SLC35G2: variants seen among roughly 807,000 people sequenced by gnomAD.
SLC35G2 encodes solute carrier family 35 member G2.
In SLC35G2, 20 loss-of-function variants were observed where a neutral mutation model predicts 27.2. That is an observed-to-expected ratio of 0.74 (90% CI 0.52 to 1.07). The LOEUF (loss-of-function observed/expected upper bound fraction) is 1.07, where lower values mean the gene tolerates loss of function less well. Among genes scored for constraint, SLC35G2 ranks in the 50% least tolerant of loss-of-function variants. The pLI is 0.00. For synonymous variants in SLC35G2, 148 were observed against 165.3 expected (o/e 0.90, Z 0.80); for missense variants, 416 against 493.3 (o/e 0.84, Z 1.48).
chr3:136,820,413 G>T (rs1275180535), intron 1 of SLC35G2: 2 of 152,230 alleles, frequency 1.3e-5, no homozygotes, highest in African/African-American at 4.8e-5. Context: ...TCCATGGCTG[G>T]TGGCCAGAGT....
intron 1 of SLC35G2, among the ~76,000 whole-genome samples, chr3:136,833,694 G>A (rs914685910): frequency 3.9e-5 from 6 of 152,140 alleles, no homozygotes; most frequent in African/African-American, 9.7e-5. Flanking sequence ...TCTGACAGGA[G>A]GTAGAACTCA....
At chr3:136,833,897 G>A (rs1936798194) in intron 1 of SLC35G2, among the ~76,000 whole-genome samples, 1 of 151,864 alleles carries the variant, frequency 6.6e-6, no homozygotes, top group Non-Finnish European at 1.5e-5. Flanking sequence ...TTAATTCTAT[G>A]TATTGTAATA....
At chr3:136,848,480 G>A (rs1475611381) in intron 1 of SLC35G2, among the ~76,000 whole-genome samples, 1 of 152,074 alleles carries the variant, frequency 6.6e-6, no homozygotes. Flanking sequence ...TTAGGTAGGC[G>A]TGATGGCAGG....
chr3:136,840,345 G>T (rs903881278), intron 1 of SLC35G2, among the ~76,000 whole-genome samples: 6 of 152,000 alleles, frequency 3.9e-5, no homozygotes, highest in African/African-American at 1.2e-4. Flanking sequence ...TGGCACTTTT[G>T]TGCTTCCGTT....
chr3:136,839,760 C>T (rs1937011692), intron 1 of SLC35G2, among the ~76,000 whole-genome samples: 2 of 152,194 alleles, frequency 1.3e-5, no homozygotes, highest in African/African-American at 4.8e-5. Flanking sequence ...TGATAAGCCC[C>T]TGACTATTCC....
intron 1 of SLC35G2, among the ~76,000 whole-genome samples, chr3:136,835,762 T>G (rs937653706): frequency 6.6e-6 from 1 of 152,182 alleles, no homozygotes; most frequent in Admixed American, 6.5e-5. Context: ...TCCATCAGCG[T>G]GGACTTGTGG....
At chr3:136,850,194 A>G (rs2108033541) in intron 1 of SLC35G2, among the ~76,000 whole-genome samples, 1 of 152,322 alleles carries the variant, frequency 6.6e-6, no homozygotes, top group Non-Finnish European at 1.5e-5. Flanking sequence ...GTTTCAACAT[A>G]TTGAGATATT....
Position 136,854,629 on chromosome 3 carries a change from C to G in SLC35G2, c.169C>G (p.Leu57Val). The G allele has an allele frequency of 6.2e-7, 1 of 1,613,238 alleles. No homozygotes were observed. The highest frequency in any genetic ancestry group is 8.5e-7 in the Non-Finnish European group (1 of 1,179,854). ...TATGGAGGAAAATCCAAAGAAAGGT[C>G]TGCTGAGTGAAATGAAAAAAAAAGG... ...NFMEENPKKGLLSEMKKKGRA... is the reference protein window; with the variant it reads ...NFMEENPKKGVLSEMKKKGRA... Residue 57 changes from leucine to valine, a missense_variant, in exon 2 of 2, where the codon CTG (leucine) becomes GTG (valine). By Grantham distance (32) the Leu-to-Val change is conservative. Transcript: ENST00000446465.
At chr3:136,831,041 A>G (rs756474953) in intron 1 of SLC35G2, among the ~76,000 whole-genome samples, 37 of 152,338 alleles carry the variant, frequency 2.4e-4, no homozygotes, top group Non-Finnish European at 4.6e-4. Context: ...CTTTTACTTT[A>G]GGAACTCAAT....
intron 1 of SLC35G2, among the ~76,000 whole-genome samples, chr3:136,839,887 C>T (rs1937014842): frequency 1.3e-5 from 2 of 152,116 alleles, no homozygotes; most frequent in South Asian, 2.1e-4. Context: ...GATCTGTCTT[C>T]TTACCTCCCC....
chr3:136,850,969 A>G (rs1937606493), intron 1 of SLC35G2, among the ~76,000 whole-genome samples: 1 of 152,046 alleles, frequency 6.6e-6, no homozygotes. Context: ...TGCGCAACGG[A>G]GTGAGACCCT....
chr3:136,843,284 C>T (rs1463353575), intron 1 of SLC35G2: 3 of 128,298 alleles, frequency 2.3e-5, no homozygotes, highest in African/African-American at 8.8e-5. Flanking sequence ...GATCGCGCCA[C>T]TGCACTCCAG....
chr3:136,825,874 C>T (rs1050988626), intron 1 of SLC35G2, among the ~76,000 whole-genome samples: 5 of 151,934 alleles, frequency 3.3e-5, no homozygotes, highest in African/African-American at 7.3e-5. Context: ...TTCTTTGATG[C>T]GTCTTTGTTA....
At position 136,854,921 on chromosome 3, in the gene SLC35G2, A is replaced by G. The variant is rs1178990556; in HGVS notation, c.461A>G (p.Tyr154Cys). Reference protein sequence around the residue: ...QVLSVLVVCYYQEAPFGPSGY... With the variant: ...QVLSVLVVCYCQEAPFGPSGY... ...TTATCTGTGTTAGTTGTGTGTTACT[A>G]TCAGGAGGCCCCCTTTGGACCCAGT... Residue 154 changes from tyrosine (Y) to cysteine (C), a missense_variant, in exon 2 of 2, where the codon TAT becomes TGT. Coordinates refer to ENST00000446465, the MANE Select transcript of SLC35G2 (RefSeq NM_025246.3). 1 of 1,614,128 alleles carries G rather than the reference A, an allele frequency of 6.2e-7. No homozygotes were observed. Among genetic ancestry groups the G allele is most frequent in the Non-Finnish European group, 8.5e-7 (1 of 1,180,020 alleles).
At chr3:136,841,305 C>G (rs1181693485) in intron 1 of SLC35G2, among the ~76,000 whole-genome samples, 1 of 152,190 alleles carries the variant, frequency 6.6e-6, no homozygotes, top group Non-Finnish European at 1.5e-5. Flanking sequence ...ACAAACTTAT[C>G]ATTCCTCAGA....
At chr3:136,827,947 C>A (rs563128513) in intron 1 of SLC35G2, among the ~76,000 whole-genome samples, 3 of 152,094 alleles carry the variant, frequency 2.0e-5, no homozygotes, top group South Asian at 4.1e-4. Flanking sequence ...CTGCCTCAGC[C>A]TCCCAAGTAG....
chr3:136,850,665 T>C lies in SLC35G2; in HGVS notation c.-18-3778T>C, dbSNP rs562586208. 1.2e-3 allele frequency among the ~76,000 whole-genome samples: 177 copies of C among 152,154 alleles called. 1 individual carries two copies. The highest frequency in any genetic ancestry group is 2.6e-3 in the Admixed American group (40 of 15,284). Reference sequence around the variant, plus strand: ...AAAGCATGATATAACTTTGTATTTGTATCCAAAAATATACAAAGTTGTTGA... The same window carrying C: ...AAAGCATGATATAACTTTGTATTTGCATCCAAAAATATACAAAGTTGTTGA... On this transcript the variant is annotated intron_variant, in intron 1 of 1. Transcript: ENST00000446465.
chr3:136,830,374 C>T (rs1269934111), intron 1 of SLC35G2, among the ~76,000 whole-genome samples: 1 of 152,130 alleles, frequency 6.6e-6, no homozygotes, highest in East Asian at 1.9e-4. Flanking sequence ...GCTCCGCCTC[C>T]CAGGTTCACA....
intron 1 of SLC35G2, among the ~76,000 whole-genome samples, chr3:136,850,328 A>G (rs1393148830): frequency 1.3e-5 from 2 of 152,106 alleles, no homozygotes; most frequent in Non-Finnish European, 2.9e-5. Context: ...TAATGCACTC[A>G]TGGTTTATGG....
Sources: allele counts gnomAD v4.1 joint callset (sites outside exome capture counted in the v4.1 genomes callset), GRCh38; gene constraint gnomAD v4.1.1; transcripts MANE v1.5; gene names NCBI Gene and HGNC (gene_info 2026-07-23, HGNC 2026-07-21).